GPC5: variants seen among roughly 807,000 people sequenced by gnomAD.
The protein encoded by GPC5 is glypican-5.
Under a neutral mutation model 53.9 loss-of-function variants are expected in GPC5, and 47 were observed. The ratio of observed to expected loss-of-function variants is 0.87; its 90% CI spans 0.69 to 1.11. GPC5 has a LOEUF of 1.11. Ranked by LOEUF, GPC5 falls within the 50% of genes most tolerant of loss-of-function variation. GPC5 has a pLI of 0.00. For synonymous variants in GPC5, 286 were observed against 263.3 expected, an observed-to-expected ratio of 1.09 and a Z score of -0.84; for missense variants, 748 against 713.1, an observed-to-expected ratio of 1.05 and a Z score of -0.56.
At chr13:92,568,288 C>A (rs1882919959) in intron 7 of GPC5, among the ~76,000 whole-genome samples, 1 of 152,120 alleles carries the variant, frequency 6.6e-6, no homozygotes, top group South Asian at 2.1e-4. Context: ...TTTCAAAATA[C>A]CATGAGAAAA....
intron 7 of GPC5, among the ~76,000 whole-genome samples, chr13:92,664,109 T>G (rs996868044): frequency 6.6e-6 from 1 of 151,728 alleles, no homozygotes; most frequent in Non-Finnish European, 1.5e-5. Context: ...GAGAACCTGA[T>G]GCCTTCAATT....
intron 7 of GPC5, among the ~76,000 whole-genome samples, chr13:92,549,488 G>T (rs1279501216): frequency 1.6e-4 from 24 of 152,002 alleles, no homozygotes; most frequent in Admixed American, 1.6e-3. Flanking sequence ...GTTAACCTTT[G>T]TTCAGAGACT....
intron 7 of GPC5, among the ~76,000 whole-genome samples, chr13:92,576,275 G>A (rs985071649): frequency 2.6e-5 from 4 of 152,200 alleles, no homozygotes; most frequent in Non-Finnish European, 4.4e-5. Context: ...GTTACTGCCA[G>A]TGAGGAATTA....
intron 7 of GPC5, among the ~76,000 whole-genome samples, chr13:92,752,682 G>A (rs1042479476): frequency 2.2e-4 from 33 of 152,128 alleles, no homozygotes; most frequent in Non-Finnish European, 3.4e-4. Flanking sequence ...TTCGGGAAGC[G>A]CAAGGGGTCA....
chr13:91,478,365 C>G (rs1883056582), intron 2 of GPC5, among the ~76,000 whole-genome samples: 1 of 151,790 alleles, frequency 6.6e-6, no homozygotes, highest in Non-Finnish European at 1.5e-5. Context: ...ATTTCACTGT[C>G]TTTTTTCTTT....
At chr13:92,020,009 A>G (rs1424340093) in intron 6 of GPC5, among the ~76,000 whole-genome samples, 1 of 152,088 alleles carries the variant, frequency 6.6e-6, no homozygotes, top group Non-Finnish European at 1.5e-5. Context: ...GTTTATTTCC[A>G]GAGGCTCTAG....
At chr13:91,787,875 C>T (rs2037903053) in intron 5 of GPC5, among the ~76,000 whole-genome samples, 1 of 152,150 alleles carries the variant, frequency 6.6e-6, no homozygotes. Flanking sequence ...ACAGTACTTA[C>T]ATTTAAAATA....
At chr13:92,399,831 T>TC (rs774376756) in intron 7 of GPC5, among the ~76,000 whole-genome samples, 10 of 152,194 alleles carry the variant, frequency 6.6e-5, no homozygotes, top group Non-Finnish European at 8.8e-5. Flanking sequence ...TCTCATTTCT[T>TC]CAACTAAAAA....
At chr13:91,521,527 T>G (rs1001184128) in intron 2 of GPC5, among the ~76,000 whole-genome samples, 4 of 152,242 alleles carry the variant, frequency 2.6e-5, no homozygotes, top group African/African-American at 9.6e-5. Context: ...AACATAGAAT[T>G]CCTTTATACA....
At position 91,696,517 on chromosome 13, in the gene GPC5, G is replaced by A. The variant is rs186074278; in HGVS notation, c.1020+2636G>A. On this transcript the variant is annotated intron_variant, in intron 3 of 7. Coordinates refer to ENST00000377067, the MANE Select transcript of GPC5 (RefSeq NM_004466.6). ...TTTATCAAACTTTGATAACCAGTTC[G>A]CACATCGATGAATTTAACAAATTCA... Among the ~76,000 whole-genome samples the A allele has an allele frequency of 5.3e-3, 804 of 152,118 alleles. 7 individuals carry two copies. The highest frequency in any genetic ancestry group is 4.5e-3 in the Non-Finnish European group (305 of 68,000).
At chr13:92,453,091 A>AAG (rs1278173050) in intron 7 of GPC5, among the ~76,000 whole-genome samples, 1 of 152,124 alleles carries the variant, frequency 6.6e-6, no homozygotes, top group East Asian at 1.9e-4. Flanking sequence ...TTCATCCCAA[A>AAG]TCCATATGAA....
intron 7 of GPC5, among the ~76,000 whole-genome samples, chr13:92,575,669 C>T (rs557974163): frequency 7.0e-4 from 106 of 152,314 alleles, no homozygotes; most frequent in Middle Eastern, 3.4e-3. Context: ...CTGAGCTGCT[C>T]ATGTAAACCC....
chr13:91,726,150 GA>G (rs1316483517), intron 3 of GPC5, among the ~76,000 whole-genome samples: 1 of 152,102 alleles, frequency 6.6e-6, no homozygotes, highest in Non-Finnish European at 1.5e-5. Flanking sequence ...TTTCAAAGTG[GA>G]AATTCACTTT....
At chr13:91,795,930 T>A (rs768432898) in intron 5 of GPC5, among the ~76,000 whole-genome samples, 15 of 152,190 alleles carry the variant, frequency 9.9e-5, no homozygotes, top group Non-Finnish European at 1.5e-4. Context: ...TTTCTTTACT[T>A]CCATAGTAAT....
intron 7 of GPC5, among the ~76,000 whole-genome samples, chr13:92,296,166 G>A (rs2043032972): frequency 6.6e-6 from 1 of 152,194 alleles, no homozygotes; most frequent in African/African-American, 2.4e-5. Flanking sequence ...TCTGGTGGCA[G>A]AGGTAGAGGG....
intron 5 of GPC5, among the ~76,000 whole-genome samples, chr13:91,785,436 T>C (rs2037862773): frequency 6.6e-6 from 1 of 152,226 alleles, no homozygotes; most frequent in Non-Finnish European, 1.5e-5. Context: ...TGAAAACCAC[T>C]GACGTACTCT....
intron 7 of GPC5, among the ~76,000 whole-genome samples, chr13:92,789,182 A>T (rs1352552538): frequency 6.6e-6 from 1 of 152,088 alleles, no homozygotes; most frequent in Admixed American, 6.6e-5. Flanking sequence ...GATTTGGCAG[A>T]TCTCAGAGGT....
chr13:91,461,085 G>A (rs1026168414), intron 2 of GPC5, among the ~76,000 whole-genome samples: 13 of 152,086 alleles, frequency 8.5e-5, no homozygotes, highest in Non-Finnish European at 1.6e-4. Flanking sequence ...GTAAATAAAG[G>A]GTAATTGTTG....
At chr13:91,816,222 T>C (rs902296181) in intron 5 of GPC5, among the ~76,000 whole-genome samples, 3 of 152,180 alleles carry the variant, frequency 2.0e-5, no homozygotes, top group African/African-American at 7.2e-5. Context: ...AAGCTCTTCG[T>C]GTGCAAGTAT....
Sources: allele counts gnomAD v4.1 joint callset (sites outside exome capture counted in the v4.1 genomes callset), GRCh38; gene constraint gnomAD v4.1.1; transcripts MANE v1.5; gene names NCBI Gene and HGNC (gene_info 2026-07-23, HGNC 2026-07-21).